HIVEP3: variants seen among roughly 807,000 people sequenced by gnomAD.
HIVEP3 encodes HIVEP zinc finger 3.
A neutral mutation model predicts 152.8 loss-of-function variants in HIVEP3; 49 were observed. That is an observed-to-expected ratio of 0.32 (90% CI 0.26 to 0.41). HIVEP3 has a LOEUF of 0.41. Among genes scored for constraint, HIVEP3 ranks in the 10% least tolerant of loss-of-function variants. The pLI, the probability that HIVEP3 is intolerant of heterozygous loss-of-function variation, is 1.00. For missense variants in HIVEP3, 2,790 were observed against 3,103.3 expected (o/e 0.90, Z 2.40); for synonymous variants, 1,269 against 1,289.0 (o/e 0.98, Z 0.33).
intron 1 of HIVEP3, among the ~76,000 whole-genome samples, chr1:41,707,946 C>T (rs997875487): frequency 2.0e-5 from 3 of 152,204 alleles, no homozygotes; most frequent in Non-Finnish European, 4.4e-5. Context: ...GGGGTTTGAC[C>T]TTCAATTCAT....
intron 1 of HIVEP3, among the ~76,000 whole-genome samples, chr1:41,751,684 G>A (rs556023487): frequency 1.1e-4 from 16 of 152,224 alleles, no homozygotes; most frequent in African/African-American, 2.9e-4. Context: ...TGCCCTTTGG[G>A]ACAACAGCAC....
intron 5 of HIVEP3, among the ~76,000 whole-genome samples, chr1:41,526,701 AC>A (rs1271493043): frequency 1.8e-5 from 1 of 56,660 alleles, no homozygotes; most frequent in Non-Finnish European, 3.4e-5. Flanking sequence ...ACCCTCACGC[AC>A]ACTCACCCTC....
rs1644473851 is a variant in HIVEP3, at chr1:41,584,525, G to A, written c.273C>T (p.His91=). Residue 91 remains histidine, a synonymous_variant, in exon 4 of 9, where the codon CAC becomes CAT. Transcript: ENST00000372583. The surrounding 1 kb of genome is among the most constrained non-coding windows in gnomAD (Gnocchi z 5.2). ...PKRPPIEASV[H]ISQLPQHPLT... ...GAGGGTGCTGCGGAAGCTGTGAGAT[G>A]TGGACGGATGCTTCGATGGGGGGCC... 3.1e-6 allele frequency: 5 copies of A among 1,614,040 alleles called. No homozygotes were observed. The highest frequency in any genetic ancestry group is 1.3e-5 in the African/African-American group (1 of 74,914).
At chr1:41,604,808 T>C (rs2149127228) in intron 3 of HIVEP3, among the ~76,000 whole-genome samples, 1 of 152,204 alleles carries the variant, frequency 6.6e-6, no homozygotes, top group Non-Finnish European at 1.5e-5. Flanking sequence ...CTTATGGTAT[T>C]AGAAAATAGG....
chr1:41,963,577 T>C (rs1182683494), intron 1 of HIVEP3, among the ~76,000 whole-genome samples: 3 of 151,734 alleles, frequency 2.0e-5, no homozygotes, highest in African/African-American at 7.3e-5. Flanking sequence ...CTAATGTAAA[T>C]GACGATTTAA....
rs749801299 is a variant in HIVEP3 at position 41,584,762 on chromosome 1, C to T, written c.36G>A (p.Lys12=). The change falls in exon 4 of 9, where the codon AAG becomes AAA. Residue 12 remains lysine, a synonymous_variant. Transcript: ENST00000372583. The surrounding 1 kb of genome is among the most constrained non-coding windows in gnomAD (Gnocchi z 5.2). ...DPEQSVKGTK[K]AEGSPRKRLT... ...GCCGCTTCCGGGGACTTCCCTCAGC[C>T]TTCTTGGTGCCCTTGACACTTTGTT... is the stretch of plus-strand genomic sequence containing the variant. The T allele has an allele frequency of 1.3e-6, 2 of 1,517,956 alleles. No individual in the cohort carries two copies. Among genetic ancestry groups the T allele is most frequent in the Admixed American group, 4.5e-5 (2 of 44,164 alleles). The allele number at this position is 1,517,956 out of a possible 1,614,324, so 94.0% of individuals were successfully genotyped here. A position where few individuals can be genotyped will look rare whatever the true frequency, so the allele number is the denominator to read the frequency against.
chr1:41,623,055 T>C (rs1313706627), intron 3 of HIVEP3, among the ~76,000 whole-genome samples: 1 of 152,162 alleles, frequency 6.6e-6, no homozygotes, highest in Non-Finnish European at 1.5e-5. Context: ...GCAAACCCAG[T>C]GGTCCAAACC....
chr1:41,986,319 A>C (rs1645322255), intron 1 of HIVEP3, among the ~76,000 whole-genome samples: 1 of 152,176 alleles, frequency 6.6e-6, no homozygotes, highest in Non-Finnish European at 1.5e-5. Flanking sequence ...TTTTACCAAA[A>C]CATTATCATA....
At chr1:41,858,745 T>C (rs1643838958) in intron 1 of HIVEP3, among the ~76,000 whole-genome samples, 1 of 152,114 alleles carries the variant, frequency 6.6e-6, no homozygotes, top group South Asian at 2.1e-4. Flanking sequence ...AACAAGATGA[T>C]GTGATGTTAA....
intron 1 of HIVEP3, among the ~76,000 whole-genome samples, chr1:41,997,352 G>A (rs1298173740): frequency 1.3e-5 from 2 of 152,140 alleles, no homozygotes; most frequent in Admixed American, 1.3e-4. Context: ...TGGCTAACGG[G>A]GGAGGAGCTT....
At chr1:41,996,778 T>A (rs1645398297) in intron 1 of HIVEP3, among the ~76,000 whole-genome samples, 1 of 152,212 alleles carries the variant, frequency 6.6e-6, no homozygotes, top group Admixed American at 6.5e-5. Context: ...CTCACATGGA[T>A]TTCACTGGAA....
At chr1:41,968,932 C>A (rs1645213915) in intron 1 of HIVEP3, among the ~76,000 whole-genome samples, 1 of 152,040 alleles carries the variant, frequency 6.6e-6, no homozygotes, top group Non-Finnish European at 1.5e-5. Flanking sequence ...AGCAGAGAGC[C>A]AAATCATGAA....
intron 1 of HIVEP3, among the ~76,000 whole-genome samples, chr1:41,710,099 T>C (rs1013660273): frequency 3.3e-5 from 5 of 152,138 alleles, no homozygotes; most frequent in African/African-American, 1.2e-4. Context: ...AGGCAGAGTG[T>C]TGGTCCAGCA....
intron 1 of HIVEP3, among the ~76,000 whole-genome samples, chr1:42,024,103 C>T (rs1487396319): frequency 6.6e-6 from 1 of 152,160 alleles, no homozygotes; most frequent in East Asian, 1.9e-4. Context: ...ACAGCAAGTC[C>T]TCTGACTTAG....
intron 2 of HIVEP3, among the ~76,000 whole-genome samples, chr1:41,682,549 T>A (rs1298267863): frequency 1.3e-5 from 2 of 152,162 alleles, no homozygotes; most frequent in East Asian, 3.8e-4. Flanking sequence ...TTACAGACTT[T>A]CCAGAAACAC....
rs544238459 is a variant in HIVEP3, at chr1:41,554,905, C to T, written c.5207+20639G>A. Among the ~76,000 whole-genome samples, 20 of 152,278 alleles carry T rather than the reference C, an allele frequency of 1.3e-4. No individual in the cohort carries two copies. The South Asian group carries it at 2.7e-3, about 21-fold the overall frequency. On this transcript the variant is annotated intron_variant, in intron 5 of 8. Coordinates refer to ENST00000372583, the MANE Select transcript of HIVEP3 (RefSeq NM_024503.5). Reference sequence around the variant, plus strand: ...ACACCCGCCTGTATGAGGTGATAGTCGGCCCCTACTGGGAGGTGTCTCCCA... The same window carrying T: ...ACACCCGCCTGTATGAGGTGATAGTTGGCCCCTACTGGGAGGTGTCTCCCA...
At chr1:42,026,851 T>C (rs1450140264) in intron 1 of HIVEP3, among the ~76,000 whole-genome samples, 2 of 152,212 alleles carry the variant, frequency 1.3e-5, no homozygotes, top group Admixed American at 1.3e-4. Context: ...GATACAGCTT[T>C]TTCATGTCAG....
chr1:41,741,239 G>A (rs560204001), intron 1 of HIVEP3, among the ~76,000 whole-genome samples: 5 of 152,162 alleles, frequency 3.3e-5, no homozygotes, highest in Non-Finnish European at 5.9e-5. Flanking sequence ...TTCTTCTCCC[G>A]GGTCCCCTAG....
chr1:41,787,675 C>T (rs1218570277), intron 1 of HIVEP3, among the ~76,000 whole-genome samples: 1 of 151,516 alleles, frequency 6.6e-6, no homozygotes, highest in African/African-American at 2.4e-5. Flanking sequence ...TGTGCAGCAC[C>T]ATGCCCAGCT....
Sources: allele counts gnomAD v4.1 joint callset (sites outside exome capture counted in the v4.1 genomes callset), GRCh38; gene constraint gnomAD v4.1.1; non-coding constraint Gnocchi (gnomAD v3.1); transcripts MANE v1.5; gene names NCBI Gene and HGNC (gene_info 2026-07-23, HGNC 2026-07-21).